TTBK1: variants seen among roughly 807,000 people sequenced by gnomAD.
The protein encoded by TTBK1 is tau tubulin kinase 1, also known as tau-tubulin kinase 1.
A neutral mutation model predicts 108.5 loss-of-function variants in TTBK1; 34 were observed. That is an observed-to-expected ratio of 0.31 (90% CI 0.24 to 0.42). TTBK1 has a LOEUF of 0.42. TTBK1 is among the 10% of genes least tolerant of loss of function. The pLI is 1.00. For missense variants in TTBK1, 1,539 were observed against 1,826.0 expected (o/e 0.84, Z 2.86); for synonymous variants, 809 against 795.1 (o/e 1.02, Z -0.29).
chr6:43,262,704 G>A (rs1777573121), intron 12 of TTBK1, 85 bp from the exon 13 acceptor site: 1 of 1,371,790 alleles, frequency 7.3e-7, no homozygotes, highest in Non-Finnish European at 9.6e-7. Flanking sequence ...GGTTTTGGGA[G>A]TCACGCCCCA....
At chr6:43,274,464 A>C (rs1034786339) in intron 13 of TTBK1, among the ~76,000 whole-genome samples, 9 of 152,118 alleles carry the variant, frequency 5.9e-5, no homozygotes, top group African/African-American at 2.2e-4. Context: ...AAATGTATTT[A>C]TATGGAGTGG....
chr6:43,270,264 C>T (rs1777792615), intron 13 of TTBK1: 2 of 1,151,416 alleles, frequency 1.7e-6, no homozygotes, highest in Non-Finnish European at 2.1e-6. Context: ...GGTCCAGAGT[C>T]CAGTGGAAAG....
At chr6:43,252,180 C>CTG (rs1434705668) in intron 2 of TTBK1, among the ~76,000 whole-genome samples, 1 of 126,476 alleles carries the variant, frequency 7.9e-6, no homozygotes, top group South Asian at 2.6e-4. Context: ...TGACATCTGG[C>CTG]TCTGTGTGTG....
At position 43,255,084 on chromosome 6, in the gene TTBK1, C is replaced by A; in HGVS notation, c.612C>A (p.Arg204=). 4 of 1,612,358 alleles carry A rather than the reference C, an allele frequency of 2.5e-6. No homozygotes were observed. In the South Asian group the frequency reaches 4.4e-5, roughly 18 times the overall value. ...TGGCCGGGTTTCGAGGAACGGTTCG[C>A]TATGCCTCAGTCAATGCCCACAAGA... ...RNVAGFRGTV[R]YASVNAHKNR... Residue 204 remains arginine, a synonymous_variant, in exon 7 of 15, where the codon CGC becomes CGA. Transcript: ENST00000259750.
In TTBK1 at chr6:43,263,298, C is replaced by T. The variant is rs753008574; in HGVS notation, c.1934C>T (p.Ser645Leu). The T allele has an allele frequency of 1.6e-5, 24 of 1,495,990 alleles. 1 individual carries two copies. Among genetic ancestry groups the T allele is most frequent in the Middle Eastern group, 1.8e-4 (1 of 5,644 alleles). The allele number at this position is 1,495,990 out of a possible 1,614,324, so 92.7% of individuals were successfully genotyped here. ...PGSPSHSPLH[S>L]GPRPRRRESD... ...AGCCCTTCCCACTCACCCCTGCACT[C>T]GGGACCCCGCCCTCGACGGAGAGAG... Residue 645 changes from serine to leucine, a missense_variant, in exon 13 of 15, where the codon TCG (serine) becomes TTG (leucine). Ser to Leu is a moderately radical substitution (Grantham distance 145). This residue lies in a region of TTBK1 where 1,055 missense variants were observed against 1,086.5 expected (regional missense o/e 0.97). Coordinates refer to ENST00000259750, the MANE Select transcript of TTBK1 (RefSeq NM_032538.3). The surrounding 1 kb of genome is among the most constrained non-coding windows in gnomAD (Gnocchi z 4.7).
At chr6:43,249,396 A>T (rs1777180610) in intron 2 of TTBK1, among the ~76,000 whole-genome samples, 1 of 152,130 alleles carries the variant, frequency 6.6e-6, no homozygotes, top group South Asian at 2.1e-4. Flanking sequence ...CTGAGAGAAT[A>T]TTCCTATTAC....
chr6:43,251,354 T>C (rs931256611), intron 2 of TTBK1, among the ~76,000 whole-genome samples: 1 of 152,172 alleles, frequency 6.6e-6, no homozygotes, highest in Non-Finnish European at 1.5e-5. Context: ...GAATGAGGGT[T>C]TGGGAAGGTG....
rs539959039 is a variant in TTBK1, at chr6:43,281,316, C to T, written c.1987-1411C>T. On this transcript the variant is annotated intron_variant, in intron 13 of 14. Transcript: ENST00000259750. The stretch of plus-strand genomic sequence containing the variant: ...ACTTGAACCCGGGAGGCAGAGGTTG[C>T]AGTGAGCCGAGATCGTGCCACTGCA... Among the ~76,000 whole-genome samples, 3 of 148,230 alleles carry T rather than the reference C, an allele frequency of 2.0e-5. No individual in the cohort carries two copies. The Admixed American group carries it at 2.1e-4, about 10-fold the overall frequency.
rs1217756912 is a variant in TTBK1 at position 43,285,042 on chromosome 6, C to T, written c.3632C>T (p.Pro1211Leu). ...ATAADLRPKQ[P>L]PGRGLGPGRA... ...GCTGCTGACCTCCGCCCCAAACAAC[C>T]TCCTGGCCGCGGCCTGGGCCCAGGG... The change falls in exon 15 of 15, where the codon CCT becomes CTT. Residue 1211 changes from proline (P) to leucine (L), a missense_variant. By Grantham distance (98) the Pro-to-Leu change is moderately conservative (BLOSUM62 -3). This residue lies in a region of TTBK1 where 1,055 missense variants were observed against 1,086.5 expected (regional missense o/e 0.97). Transcript: ENST00000259750. This position sits in a 1 kb window ranked among gnomAD's most constrained non-coding sequence, Gnocchi z 4.7. 2 of 1,512,948 alleles carry T rather than the reference C, an allele frequency of 1.3e-6. No individual in the cohort carries two copies. The highest frequency in any genetic ancestry group is 2.7e-5 in the East Asian group (1 of 36,760). The allele number at this position is 1,512,948 out of a possible 1,614,324, so 93.7% of individuals were successfully genotyped here.
intron 12 of TTBK1, 119 bp from the exon 13 acceptor site, chr6:43,262,670 G>A: frequency 1.0e-6 from 1 of 983,430 alleles, no homozygotes; most frequent in African/African-American, 1.6e-5. Context: ...CTGGCTCAGG[G>A]TGGGAGGGGT....
chr6:43,269,835 C>T lies in TTBK1; in HGVS notation c.1986+6485C>T. The T allele has an allele frequency of 6.5e-7, 1 of 1,535,986 alleles. No individual in the cohort carries two copies. Among genetic ancestry groups the T allele is most frequent in the Non-Finnish European group, 8.7e-7 (1 of 1,146,448 alleles). On this transcript the variant is annotated intron_variant, in intron 13 of 14. Transcript: ENST00000259750. The surrounding 1 kb of genome is among the most constrained non-coding windows in gnomAD (Gnocchi z 4.8). ...GGCTGAGAGCAGCCCTGTGCGGGCGCCCCACCGGCGCCACGCGCCCCTCGC... is the reference window on the plus strand; with the variant it reads ...GGCTGAGAGCAGCCCTGTGCGGGCGTCCCACCGGCGCCACGCGCCCCTCGC...
chr6:43,244,046 T>C (rs1207032103), intron 1 of TTBK1, among the ~76,000 whole-genome samples: 3 of 152,074 alleles, frequency 2.0e-5, no homozygotes, highest in African/African-American at 7.2e-5. Context: ...CTCCCTGTCC[T>C]CAGTCCCTCC....
intron 13 of TTBK1, chr6:43,270,999 TG>T: frequency 1.0e-6 from 1 of 985,380 alleles, no homozygotes; most frequent in South Asian, 4.7e-5. Flanking sequence ...TCTGGACACT[TG>T]GGAGTGGGGA....
Position 43,269,632 on chromosome 6 carries a change from G to T in TTBK1, c.1986+6282G>T. 6.2e-7 allele frequency: 1 copy of T among 1,605,036 alleles called. No individual in the cohort carries two copies. The highest frequency in any genetic ancestry group is 8.5e-7 in the Non-Finnish European group (1 of 1,175,212). On this transcript the variant is annotated intron_variant, in intron 13 of 14. Transcript: ENST00000259750. This position sits in a 1 kb window ranked among gnomAD's most constrained non-coding sequence, Gnocchi z 4.8. ...CACCTCTTTTCCCTCCACTTTCTTG[G>T]TCTCTTTCAGTTGGAGGAGGACAGA...
Position 43,259,010 on chromosome 6 carries a change from G to A in TTBK1, c.1017-28G>A. The A allele has an allele frequency of 3.2e-6, 5 of 1,572,142 alleles. No individual in the cohort carries two copies. The highest frequency in any genetic ancestry group is 4.3e-6 in the Non-Finnish European group (5 of 1,152,500). On this transcript the variant is annotated intron_variant, in intron 10 of 14. Coordinates refer to ENST00000259750, the MANE Select transcript of TTBK1 (RefSeq NM_032538.3). The surrounding 1 kb of genome is among the most constrained non-coding windows in gnomAD (Gnocchi z 6.7). The stretch of plus-strand genomic sequence containing the variant: ...AGGAGAGGGCACCCCTGCCAGCCTT[G>A]CCCATGGCTCCCTCCTGCCCTCTCC...
intron 7 of TTBK1, 22 bp from the exon 8 acceptor site, chr6:43,255,530 G>T: frequency 6.3e-7 from 1 of 1,575,364 alleles, no homozygotes; most frequent in South Asian, 1.2e-5. Context: ...AGCTGCAGGT[G>T]ACTCCCTCCC....
In TTBK1 at chr6:43,269,964, C is replaced by CA. The variant is rs1777782275; in HGVS notation, c.1986+6614_1986+6615insA. The CA allele has an allele frequency of 1.4e-6, 2 of 1,435,362 alleles. No homozygotes were observed. Among genetic ancestry groups the CA allele is most frequent in the Admixed American group, 2.8e-5 (1 of 36,086 alleles). The allele number at this position is 1,435,362 out of a possible 1,614,324, so 88.9% of individuals were successfully genotyped here. ...CCACAAGACCTAGGCTGGGCCCCCCCCCTCCTGGAGGGGGCAGGTGGGGGG... is the reference window on the plus strand; with the variant it reads ...CCACAAGACCTAGGCTGGGCCCCCCCACCTCCTGGAGGGGGCAGGTGGGGGG... On this transcript the variant is annotated intron_variant, in intron 13 of 14. Coordinates refer to ENST00000259750, the MANE Select transcript of TTBK1 (RefSeq NM_032538.3). This position sits in a 1 kb window ranked among gnomAD's most constrained non-coding sequence, Gnocchi z 4.8.
chr6:43,262,209 G>A lies in TTBK1; in HGVS notation c.1425-580G>A, dbSNP rs549839754. On this transcript the variant is annotated intron_variant, in intron 12 of 14. Transcript: ENST00000259750. ...GTGAGAGGCCTTGAGTGTAAACCAAGGAATGTGGACTTTGTTGTTGGGGCC... is the reference window on the plus strand; with the variant it reads ...GTGAGAGGCCTTGAGTGTAAACCAAAGAATGTGGACTTTGTTGTTGGGGCC... 2.6e-5 allele frequency among the ~76,000 whole-genome samples: 4 copies of A among 152,352 alleles called. No homozygotes were observed. In the South Asian group the frequency reaches 8.3e-4, roughly 32 times the overall value.
chr6:43,248,154 T>G (rs1777149105), intron 2 of TTBK1: 1 of 152,138 alleles, frequency 6.6e-6, no homozygotes, highest in African/African-American at 2.4e-5. Flanking sequence ...GGCTGGAACT[T>G]TTTTGTGATT....
Sources: gnomAD v4.1 joint callset for allele counts (sites outside exome capture counted in the v4.1 genomes callset) on GRCh38, gnomAD v4.1.1 for gene constraint, gnomAD v4.1.1 regional missense constraint, Gnocchi (gnomAD v3.1) non-coding constraint, MANE v1.5 for transcripts, NCBI Gene and HGNC (gene_info 2026-07-23, HGNC 2026-07-21) for gene names.